Variants in ATP1B1 observed in about 807,000 individuals in gnomAD.
ATP1B1 encodes the protein sodium/potassium-transporting ATPase subunit beta-1.
ATP1B1 carries 3 observed loss-of-function variants against 39.6 expected under a neutral mutation model. That is an observed-to-expected ratio of 0.08 (90% CI 0.03 to 0.20). The LOEUF (loss-of-function observed/expected upper bound fraction) is 0.20, where lower values mean the gene tolerates loss of function less well. Among genes scored for constraint, ATP1B1 ranks in the 10% least tolerant of loss-of-function variants. The pLI is 1.00. For missense variants in ATP1B1, 216 were observed against 371.1 expected (o/e 0.58, Z 3.43); for synonymous variants, 139 against 135.0 (o/e 1.03, Z -0.20).
intron 2 of ATP1B1, among the ~76,000 whole-genome samples, chr1:169,122,356 A>G (rs929011984): frequency 6.6e-6 from 1 of 150,444 alleles, no homozygotes; most frequent in East Asian, 2.0e-4. Context: ...ACCAGGAGTG[A>G]CCCTCCCTAC....
chr1:169,132,376 C>G lies in ATP1B1; in HGVS notation c.*821C>G. ...TGCTTTATACATTTTCTTTTACTTT[C>G]CTTTTTTCCTTTCTGGAGGCATCAC... On this transcript the variant is annotated 3_prime_UTR_variant, in exon 6 of 6. Transcript: ENST00000367815. 3 of 460,248 alleles carry G rather than the reference C, an allele frequency of 6.5e-6. No homozygotes were observed. The highest frequency in any genetic ancestry group is 1.2e-5 in the Non-Finnish European group (3 of 255,166). The allele number at this position is 460,248 out of a possible 1,614,324, so 28.5% of individuals were successfully genotyped here. A position where few individuals can be genotyped will look rare whatever the true frequency, so the allele number is the denominator to read the frequency against.
chr1:169,116,592 T>A (rs1439902480), intron 2 of ATP1B1, among the ~76,000 whole-genome samples: 1 of 152,146 alleles, frequency 6.6e-6, no homozygotes, highest in Non-Finnish European at 1.5e-5. Context: ...GGCTCATACC[T>A]GTATTCCCAG....
chr1:169,124,544 G>A (rs1435871201), intron 2 of ATP1B1, among the ~76,000 whole-genome samples: 6 of 152,206 alleles, frequency 3.9e-5, no homozygotes, highest in Non-Finnish European at 8.8e-5. Flanking sequence ...TTGGAGTACA[G>A]CACACCTGGG....
chr1:169,129,345 G>A (rs1439932116), intron 4 of ATP1B1, among the ~76,000 whole-genome samples: 4 of 152,064 alleles, frequency 2.6e-5, no homozygotes, highest in Admixed American at 2.0e-4. Flanking sequence ...TAGAAGAGGA[G>A]GCTCTGGATA....
chr1:169,114,350 A>G (rs1657795955), intron 2 of ATP1B1, among the ~76,000 whole-genome samples: 2 of 152,228 alleles, frequency 1.3e-5, no homozygotes, highest in Non-Finnish European at 2.9e-5. Context: ...TTTGAGTTAG[A>G]TACACCTAGT....
chr1:169,125,386 C>T (rs1198418925), intron 3 of ATP1B1, among the ~76,000 whole-genome samples: 1 of 152,110 alleles, frequency 6.6e-6, no homozygotes, highest in African/African-American at 2.4e-5. Context: ...AAAAGTTCTC[C>T]CTATAGAAGA....
At chr1:169,125,972 C>G (rs1258595914) in intron 3 of ATP1B1, among the ~76,000 whole-genome samples, 1 of 152,132 alleles carries the variant, frequency 6.6e-6, no homozygotes, top group Non-Finnish European at 1.5e-5. Flanking sequence ...GAGACCCTGT[C>G]TCAAAAACGT....
intron 4 of ATP1B1, among the ~76,000 whole-genome samples, chr1:169,129,492 G>A (rs546502243): frequency 1.2e-3 from 181 of 152,258 alleles, no homozygotes; most frequent in African/African-American, 4.2e-3. Context: ...AAATTGCAAA[G>A]AAACGCTCCT....
At chr1:169,120,710 T>A (rs1657960449) in intron 2 of ATP1B1, among the ~76,000 whole-genome samples, 1 of 152,218 alleles carries the variant, frequency 6.6e-6, no homozygotes, top group Admixed American at 6.5e-5. Flanking sequence ...ATTATAAACT[T>A]GACTGGCTTA....
At chr1:169,121,708 T>G (rs1657983542) in intron 2 of ATP1B1, among the ~76,000 whole-genome samples, 1 of 152,342 alleles carries the variant, frequency 6.6e-6, no homozygotes, top group Admixed American at 6.5e-5. Context: ...TGACACTTGC[T>G]TCGCAATCCA....
At position 169,115,935 on chromosome 1, in the gene ATP1B1, G is replaced by C. The variant is rs563166071; in HGVS notation, c.226+4437G>C. Among the ~76,000 whole-genome samples the C allele has an allele frequency of 1.2e-4, 19 of 152,334 alleles. 1 individual carries two copies. Among genetic ancestry groups the C allele is most frequent in the Admixed American group, 1.2e-3 (18 of 15,300 alleles). On this transcript the variant is annotated intron_variant, in intron 2 of 5. Coordinates refer to ENST00000367815, the MANE Select transcript of ATP1B1 (RefSeq NM_001677.4). Reference sequence around the variant, plus strand: ...TTTTCTCCAGAGGAGACCCCCTTAGGCAGTCCTGCAGTGCTGCTCTGCAGC... The same window carrying C: ...TTTTCTCCAGAGGAGACCCCCTTAGCCAGTCCTGCAGTGCTGCTCTGCAGC...
intron 2 of ATP1B1, among the ~76,000 whole-genome samples, chr1:169,117,211 C>G (rs1030740866): frequency 3.3e-5 from 5 of 152,216 alleles, no homozygotes; most frequent in African/African-American, 1.2e-4. Context: ...CTCCTCCCTT[C>G]CCACCCTCAA....
chr1:169,132,502 G>A lies in ATP1B1; in HGVS notation c.*947G>A, dbSNP rs1389534545. The stretch of plus-strand genomic sequence containing the variant: ...ATTTTATTTTTTTCTGCAAGAAAAA[G>A]TGTAATGTATGAAATAAACCAAAGT... On this transcript the variant is annotated 3_prime_UTR_variant, in exon 6 of 6. Coordinates refer to ENST00000367815, the MANE Select transcript of ATP1B1 (RefSeq NM_001677.4). The A allele has an allele frequency of 2.3e-6, 1 of 427,292 alleles. No homozygotes were observed. The highest frequency in any genetic ancestry group is 3.5e-5 in the East Asian group (1 of 28,462). 26.5% of individuals were successfully genotyped at this position (427,292 alleles called of 1,614,324 possible).
At chr1:169,125,505 G>A (rs374266539) in intron 3 of ATP1B1, among the ~76,000 whole-genome samples, 83 of 152,226 alleles carry the variant, frequency 5.5e-4, no homozygotes, top group African/African-American at 1.9e-3. Flanking sequence ...TATTGATCCT[G>A]GTTGGGATAG....
At chr1:169,113,388 A>G (rs1419504125) in intron 2 of ATP1B1, among the ~76,000 whole-genome samples, 1 of 152,042 alleles carries the variant, frequency 6.6e-6, no homozygotes, top group Non-Finnish European at 1.5e-5. Context: ...TATAATTCTT[A>G]TACTCAAAGC....
chr1:169,106,715 C>G lies in ATP1B1; in HGVS notation c.-115C>G. The G allele has an allele frequency of 2.7e-6, 2 of 743,206 alleles. No homozygotes were observed. Among genetic ancestry groups the G allele is most frequent in the Non-Finnish European group, 4.0e-6 (2 of 497,352 alleles). The allele number at this position is 743,206 out of a possible 1,614,324, so 46.0% of individuals were successfully genotyped here. A position where few individuals can be genotyped will look rare whatever the true frequency, so the allele number is the denominator to read the frequency against. On this transcript the variant is annotated 5_prime_UTR_variant, in exon 1 of 6. Coordinates refer to ENST00000367815, the MANE Select transcript of ATP1B1 (RefSeq NM_001677.4). ...ACTCCGAGAGCCGCAGCGGCAGCGG[C>G]GCGTCCTGCCTGCAGAGAGCCAGGC... is the stretch of plus-strand genomic sequence containing the variant.
At chr1:169,115,345 TTTTTTC>T (rs1389639407) in intron 2 of ATP1B1, among the ~76,000 whole-genome samples, 28 of 143,924 alleles carry the variant, frequency 1.9e-4, no homozygotes, top group African/African-American at 7.6e-4. Context: ...GTTTTTTTCT[TTTTTTC>T]TTTTTTTTTT....
At chr1:169,113,854 T>A (rs917443565) in intron 2 of ATP1B1, among the ~76,000 whole-genome samples, 2 of 152,210 alleles carry the variant, frequency 1.3e-5, no homozygotes, top group Admixed American at 6.5e-5. Flanking sequence ...CCATCTTCCT[T>A]GTTCTTTGGC....
At chr1:169,125,183 T>A (rs533859904) in intron 3 of ATP1B1, 144 bp downstream of exon 3, 312 of 1,125,476 alleles carry the variant, frequency 2.8e-4, no homozygotes, top group African/African-American at 2.8e-3. Context: ...ACACTTTTTT[T>A]AAAAAAAGCA....
Sources: allele counts gnomAD v4.1 joint callset (sites outside exome capture counted in the v4.1 genomes callset), GRCh38; gene constraint gnomAD v4.1.1; transcripts MANE v1.5; gene names NCBI Gene and HGNC (gene_info 2026-07-23, HGNC 2026-07-21).